The following EPB41L4B variants were observed in gnomAD, a reference collection of about 807,000 sequenced individuals.
EPB41L4B encodes the protein band 4.1-like protein 4B.
Under a neutral mutation model 112.5 loss-of-function variants are expected in EPB41L4B, and 30 were observed. That is an observed-to-expected ratio of 0.27 (90% CI 0.20 to 0.36). EPB41L4B has a LOEUF of 0.36. EPB41L4B is among the 10% of genes least tolerant of loss of function. The pLI is 1.00. For missense variants in EPB41L4B, 1,024 were observed against 1,133.3 expected, an observed-to-expected ratio of 0.90 and a Z score of 1.38; for synonymous variants, 408 against 439.7, an observed-to-expected ratio of 0.93 and a Z score of 0.90.
intron 22 of EPB41L4B, among the ~76,000 whole-genome samples, chr9:109,186,263 CTG>C (rs2118645286): frequency 6.6e-6 from 1 of 151,230 alleles, no homozygotes; most frequent in Non-Finnish European, 1.5e-5. Context: ...TCTCAGCTCA[CTG>C]CAACCTTTGC....
intron 22 of EPB41L4B, among the ~76,000 whole-genome samples, chr9:109,186,158 A>G (rs2118644165): frequency 6.6e-6 from 1 of 152,206 alleles, no homozygotes; most frequent in Admixed American, 6.5e-5. Flanking sequence ...GGGCACCAGG[A>G]AAGAAATATA....
At chr9:109,236,041 C>A (rs1175267646) in intron 15 of EPB41L4B, among the ~76,000 whole-genome samples, 1 of 152,182 alleles carries the variant, frequency 6.6e-6, no homozygotes, top group Non-Finnish European at 1.5e-5. Context: ...CACTGTGGAC[C>A]CTTTAATCCT....
intron 1 of EPB41L4B, among the ~76,000 whole-genome samples, chr9:109,288,592 G>C (rs890679554): frequency 6.6e-6 from 1 of 151,568 alleles, no homozygotes; most frequent in Non-Finnish European, 1.5e-5. Flanking sequence ...GCGTTGTGGC[G>C]GGCACCTGTA....
In EPB41L4B at chr9:109,266,279, G is replaced by A. The variant is rs183398723; in HGVS notation, c.533+1194C>T. ...TGGTCCCAGCTACTAGGGAGGCTGA[G>A]GTGGGAGGATCACTTGAGCCTGGGA... On this transcript the variant is annotated intron_variant, in intron 4 of 25. Coordinates refer to ENST00000374566, the MANE Select transcript of EPB41L4B (RefSeq NM_019114.5). 6.1e-4 allele frequency among the ~76,000 whole-genome samples: 93 copies of A among 152,244 alleles called. 1 individual carries two copies. In the Middle Eastern group the frequency reaches 0.014, roughly 22 times the overall value.
chr9:109,251,634 C>G lies in EPB41L4B; in HGVS notation c.1280-123G>C, dbSNP rs1343279364. ...AGAGCCTTTCCAACTCCAACCCAGG[C>G]AGAACTGCATGGTGGCTACTTCTCC... On this transcript the variant is annotated intron_variant, in intron 12 of 25. Transcript: ENST00000374566. 30 of 861,694 alleles carry G rather than the reference C, an allele frequency of 3.5e-5. 2 individuals carry two copies. In the South Asian group the frequency reaches 4.0e-4, roughly 12 times the overall value. 53.4% of individuals were successfully genotyped at this position (861,694 alleles called of 1,614,324 possible).
chr9:109,264,328 C>T (rs1361357566), intron 5 of EPB41L4B, among the ~76,000 whole-genome samples: 2 of 152,266 alleles, frequency 1.3e-5, no homozygotes, highest in Non-Finnish European at 2.9e-5. Flanking sequence ...TCAATATAGC[C>T]TTAGTTTTTC....
At chr9:109,191,918 A>C (rs1832473010) in intron 22 of EPB41L4B, among the ~76,000 whole-genome samples, 2 of 152,186 alleles carry the variant, frequency 1.3e-5, no homozygotes, top group Non-Finnish European at 2.9e-5. Context: ...GACCAGATGG[A>C]TCGTCGGAAG....
chr9:109,229,756 A>T (rs1833895493), intron 15 of EPB41L4B, among the ~76,000 whole-genome samples: 1 of 152,212 alleles, frequency 6.6e-6, no homozygotes, highest in Non-Finnish European at 1.5e-5. Context: ...AAGCCTCAGA[A>T]GGGTTGCAAG....
At chr9:109,180,671 G>A (rs957146787) in intron 24 of EPB41L4B, among the ~76,000 whole-genome samples, 30 of 152,298 alleles carry the variant, frequency 2.0e-4, no homozygotes, top group African/African-American at 7.2e-4. Flanking sequence ...CTGAAGCCAT[G>A]TTGGGTAGTG....
intron 17 of EPB41L4B, among the ~76,000 whole-genome samples, chr9:109,209,178 G>T (rs1312345399): frequency 6.6e-6 from 1 of 152,130 alleles, no homozygotes; most frequent in East Asian, 1.9e-4. Context: ...AAAGCTAGAG[G>T]AAGTATAGAG....
At chr9:109,264,541 A>C (rs1222586219) in intron 5 of EPB41L4B, among the ~76,000 whole-genome samples, 1 of 152,230 alleles carries the variant, frequency 6.6e-6, no homozygotes, top group Non-Finnish European at 1.5e-5. Flanking sequence ...GAGAAAAGGA[A>C]GTGAGATGAG....
chr9:109,207,068 A>G (rs896608039), intron 18 of EPB41L4B, among the ~76,000 whole-genome samples: 1 of 152,218 alleles, frequency 6.6e-6, no homozygotes, highest in African/African-American at 2.4e-5. Flanking sequence ...ATGTCTTAAG[A>G]GCTCAGAAAT....
At chr9:109,251,984 A>C (rs2119010468) in intron 12 of EPB41L4B, among the ~76,000 whole-genome samples, 1 of 152,332 alleles carries the variant, frequency 6.6e-6, no homozygotes, top group East Asian at 1.9e-4. Context: ...AAAAGGATAG[A>C]TGTGGCAGGG....
chr9:109,215,319 G>A (rs757332717), intron 16 of EPB41L4B, among the ~76,000 whole-genome samples: 65 of 151,844 alleles, frequency 4.3e-4, no homozygotes, highest in Admixed American at 7.9e-4. Context: ...TCACTCTGTC[G>A]CCCAGGCTGG....
intron 6 of EPB41L4B, among the ~76,000 whole-genome samples, chr9:109,260,408 AT>A (rs1835156245): frequency 7.6e-6 from 1 of 131,482 alleles, no homozygotes; most frequent in Non-Finnish European, 1.6e-5. Context: ...AATCAATTGT[AT>A]CTTTTTTTTT....
Position 109,256,234 on chromosome 9 carries a change from A to G in EPB41L4B, c.841-10T>C. 6.2e-7 allele frequency: 1 copy of G among 1,613,280 alleles called. No homozygotes were observed. Among genetic ancestry groups the G allele is most frequent in the Non-Finnish European group, 8.5e-7 (1 of 1,179,250 alleles). ...CACAGCCATCTCTTCCCTACAAACA[A>G]ACGAAGTGACAATCGGTAGAGGGTT... On this transcript the variant is annotated splice_polypyrimidine_tract_variant and intron_variant, in intron 8 of 25. Transcript: ENST00000374566.
At chr9:109,183,367 T>C (rs1308654815) in intron 23 of EPB41L4B, among the ~76,000 whole-genome samples, 2 of 152,124 alleles carry the variant, frequency 1.3e-5, no homozygotes, top group Non-Finnish European at 2.9e-5. Flanking sequence ...GGGAAACCCG[T>C]GGAAGCATGG....
At chr9:109,176,452 T>C in intron 25 of EPB41L4B, 99 bp downstream of exon 25, 1 of 1,299,014 alleles carries the variant, frequency 7.7e-7, no homozygotes, top group South Asian at 1.7e-5. Context: ...TGAAAGAATG[T>C]AGGAAAGGCC....
intron 15 of EPB41L4B, among the ~76,000 whole-genome samples, chr9:109,224,065 C>CG (rs1833682154): frequency 6.6e-6 from 1 of 151,776 alleles, no homozygotes; most frequent in African/African-American, 2.4e-5. Context: ...TAAAATAAAC[C>CG]AGGGGAAACT....
Sources: gnomAD v4.1 joint callset for allele counts (sites outside exome capture counted in the v4.1 genomes callset) on GRCh38, gnomAD v4.1.1 for gene constraint, MANE v1.5 for transcripts, NCBI Gene and HGNC (gene_info 2026-07-23, HGNC 2026-07-21) for gene names.